The following ROCK2 variants were observed in gnomAD, a reference collection of about 807,000 sequenced individuals.
ROCK2 encodes the protein rho-associated protein kinase 2.
Under a neutral mutation model 195.1 loss-of-function variants are expected in ROCK2, and 61 were observed. The observed-to-expected ratio is 0.31, with a 90% CI of 0.25 to 0.39. The LOEUF is 0.39. Ranked by LOEUF, ROCK2 falls within the 10% of genes least tolerant of loss-of-function variation. ROCK2 has a pLI of 1.00. For synonymous variants in ROCK2, 504 were observed against 545.5 expected (o/e 0.92, Z 1.06); for missense variants, 1,109 against 1,637.4 (o/e 0.68, Z 5.57).
chr2:11,184,723 C>T, intron 32 of ROCK2: 2 of 984,334 alleles, frequency 2.0e-6, no homozygotes, highest in Non-Finnish European at 2.4e-6. Context: ...CCACCATCAA[C>T]ATCATCAAAT....
At chr2:11,232,767 A>G (rs1296365617) in intron 5 of ROCK2, among the ~76,000 whole-genome samples, 1 of 152,234 alleles carries the variant, frequency 6.6e-6, no homozygotes, top group Non-Finnish European at 1.5e-5. Context: ...GATATCAGCA[A>G]TATCTATGGA....
chr2:11,287,520 A>G, intron 2 of ROCK2, 135 bp downstream of exon 2: 1 of 364,016 alleles, frequency 2.7e-6, no homozygotes, highest in South Asian at 1.4e-4. Context: ...GAATAAATCA[A>G]ATGGTAAGCA....
intron 1 of ROCK2, among the ~76,000 whole-genome samples, chr2:11,311,772 C>T (rs1177408654): frequency 1.3e-5 from 2 of 149,920 alleles, no homozygotes; most frequent in Non-Finnish European, 2.9e-5. Context: ...CGCGTGCACA[C>T]ACACACACAC....
chr2:11,239,170 A>C (rs1665335754), intron 4 of ROCK2, among the ~76,000 whole-genome samples: 2 of 152,188 alleles, frequency 1.3e-5, no homozygotes, highest in South Asian at 2.1e-4. Flanking sequence ...GGTTTCTTAG[A>C]TATAACACCA....
intron 5 of ROCK2, among the ~76,000 whole-genome samples, chr2:11,228,149 T>C (rs1664878195): frequency 1.3e-5 from 2 of 152,168 alleles, no homozygotes; most frequent in Non-Finnish European, 1.5e-5. Flanking sequence ...TGGTGCTAAA[T>C]GGTATTTCTT....
At chr2:11,316,495 A>T (rs184830776) in intron 1 of ROCK2, among the ~76,000 whole-genome samples, 1 of 152,116 alleles carries the variant, frequency 6.6e-6, no homozygotes, top group Non-Finnish European at 1.5e-5. Flanking sequence ...TACTCCAAAA[A>T]AGGAAAGACT....
intron 5 of ROCK2, among the ~76,000 whole-genome samples, chr2:11,231,983 G>A (rs1479539991): frequency 6.6e-6 from 1 of 151,986 alleles, no homozygotes; most frequent in Non-Finnish European, 1.5e-5. Flanking sequence ...TTGGCTTTGT[G>A]GGCCACACAG....
chr2:11,215,535 G>A lies in ROCK2; in HGVS notation c.1572C>T (p.Asp524=). 1 of 1,610,338 alleles carries A rather than the reference G, an allele frequency of 6.2e-7. No individual in the cohort carries two copies. The highest frequency in any genetic ancestry group is 8.5e-7 in the Non-Finnish European group (1 of 1,179,026). The change falls in exon 14 of 33, where the codon GAC becomes GAT. Residue 524 remains aspartate (D), a synonymous_variant. Coordinates refer to ENST00000315872, the MANE Select transcript of ROCK2 (RefSeq NM_004850.5). The stretch of plus-strand genomic sequence containing the variant: ...CATCATTTTCCAAATTTCGTTTTTT[G>A]TCTGCTTCATGATCAGCTTTCCTCT... ...EYQRKADHEA[D]KKRNLENDVN...
At chr2:11,308,595 G>A in intron 1 of ROCK2, 3 of 1,496,084 alleles carry the variant, frequency 2.0e-6, no homozygotes, top group South Asian at 2.3e-5. Flanking sequence ...ATTACAGTTA[G>A]TGTAAAGGAT....
At chr2:11,183,713 G>C (rs1663089761) in intron 32 of ROCK2, among the ~76,000 whole-genome samples, 1 of 149,774 alleles carries the variant, frequency 6.7e-6, no homozygotes, top group Admixed American at 6.8e-5. Flanking sequence ...CAAGCTATTA[G>C]GGTTAAACAA....
intron 1 of ROCK2, among the ~76,000 whole-genome samples, chr2:11,335,179 A>G (rs1285140564): frequency 6.6e-6 from 1 of 151,240 alleles, no homozygotes; most frequent in Admixed American, 6.6e-5. Context: ...AAGGCGGGGA[A>G]TGAGAGAAAT....
chr2:11,219,107 TA>T, intron 9 of ROCK2, 81 bp from the exon 10 acceptor site: 1 of 692,220 alleles, frequency 1.4e-6, no homozygotes, highest in Non-Finnish European at 2.4e-6. Flanking sequence ...TTCTCAGACT[TA>T]AATATCAAAC....
intron 3 of ROCK2, among the ~76,000 whole-genome samples, chr2:11,269,621 C>T (rs10179030): frequency 1.4e-3 from 218 of 152,228 alleles, no homozygotes; most frequent in African/African-American, 5.0e-3. Context: ...GGCCTATATA[C>T]ATTTTCCTGT....
rs1385371358 is a variant in ROCK2, at chr2:11,182,017, C to CA, written c.*1419dup. On this transcript the variant is annotated 3_prime_UTR_variant, in exon 33 of 33. Transcript: ENST00000315872. ...AAAGACTTCATAATATAAAAAAAAA[C>CA]AAAAACAAAAAAAAAACTTTACGCT... The CA allele has an allele frequency of 3.3e-5, 5 of 150,320 alleles. No individual in the cohort carries two copies. The highest frequency in any genetic ancestry group is 7.4e-5 in the Non-Finnish European group (5 of 67,548). 9.3% of individuals were successfully genotyped at this position (150,320 alleles called of 1,614,324 possible). A position where few individuals can be genotyped will look rare whatever the true frequency, so the allele number is the denominator to read the frequency against.
Position 11,192,106 on chromosome 2 carries a change from A to T in ROCK2, c.4163+42T>A. 2 of 1,390,666 alleles carry T rather than the reference A, an allele frequency of 1.4e-6. No homozygotes were observed. Among genetic ancestry groups the T allele is most frequent in the Non-Finnish European group, 2.0e-6 (2 of 1,009,464 alleles). 86.1% of individuals were successfully genotyped at this position (1,390,666 alleles called of 1,614,324 possible). On this transcript the variant is annotated intron_variant, in intron 32 of 32. Transcript: ENST00000315872. This position sits in a 1 kb window ranked among gnomAD's most constrained non-coding sequence, Gnocchi z 5.0. The stretch of plus-strand genomic sequence containing the variant: ...TTGAACATAAATAGCAAAATATTTT[A>T]ATAGACTTTTTTTTTTTCCTTACCA...
intron 1 of ROCK2, among the ~76,000 whole-genome samples, chr2:11,327,018 C>A (rs1019109623): frequency 3.9e-5 from 6 of 152,168 alleles, no homozygotes; most frequent in African/African-American, 1.4e-4. Flanking sequence ...CCTGACAGCT[C>A]TTTCAGGGAC....
chr2:11,320,145 C>T (rs1162990978), intron 1 of ROCK2, among the ~76,000 whole-genome samples: 1 of 152,184 alleles, frequency 6.6e-6, no homozygotes, highest in Non-Finnish European at 1.5e-5. Context: ...ACTCACAAAC[C>T]TCTGGTGTTC....
At chr2:11,229,254 G>T (rs1664917429) in intron 5 of ROCK2, among the ~76,000 whole-genome samples, 1 of 152,066 alleles carries the variant, frequency 6.6e-6, no homozygotes, top group African/African-American at 2.4e-5. Context: ...ATAGCATACT[G>T]AAGTTTTTAA....
At position 11,344,564 on chromosome 2, in the gene ROCK2, A is replaced by G. The variant is rs1341719387; in HGVS notation, c.-428T>C. On this transcript the variant is annotated 5_prime_UTR_variant, in exon 1 of 33. It removes an upstream start codon present in the reference 5' UTR. Transcript: ENST00000315872. The surrounding 1 kb of genome is among the most constrained non-coding windows in gnomAD (Gnocchi z 5.4). ...CTACGGCCGCCGCCGGCCCGCTGCCATGGTCGCCGCCGGCCGCCTTGCAGT... is the reference window on the plus strand; with the variant it reads ...CTACGGCCGCCGCCGGCCCGCTGCCGTGGTCGCCGCCGGCCGCCTTGCAGT... 1 of 907,898 alleles carries G rather than the reference A, an allele frequency of 1.1e-6. No homozygotes were observed. Among genetic ancestry groups the G allele is most frequent in the Non-Finnish European group, 1.3e-6 (1 of 764,856 alleles). 56.2% of individuals were successfully genotyped at this position (907,898 alleles called of 1,614,324 possible).
Sources: gnomAD v4.1 joint callset for allele counts (sites outside exome capture counted in the v4.1 genomes callset) on GRCh38, gnomAD v4.1.1 for gene constraint, Gnocchi (gnomAD v3.1) non-coding constraint, MANE v1.5 for transcripts, NCBI Gene and HGNC (gene_info 2026-07-23, HGNC 2026-07-21) for gene names.